SMYD3: variants seen among roughly 807,000 people sequenced by gnomAD.
SMYD3 encodes SET and MYND domain containing 3, also known as histone-lysine N-methyltransferase SMYD3.
Under a neutral mutation model 57.7 loss-of-function variants are expected in SMYD3, and 36 were observed. That is an observed-to-expected ratio of 0.62 (90% confidence interval 0.48 to 0.82). SMYD3 has a LOEUF of 0.82. Among genes scored for constraint, SMYD3 ranks in the 40% least tolerant of loss-of-function variants. SMYD3 has a pLI of 0.00. For missense variants in SMYD3, 515 were observed against 538.8 expected (o/e 0.96, Z 0.44); for synonymous variants, 211 against 195.0 (o/e 1.08, Z -0.68).
At chr1:245,932,091 G>A (rs2056757652) in intron 5 of SMYD3, among the ~76,000 whole-genome samples, 1 of 152,010 alleles carries the variant, frequency 6.6e-6, no homozygotes, top group Admixed American at 6.6e-5. Flanking sequence ...ATTTGGGAAG[G>A]GATACAAGTT....
intron 10 of SMYD3, among the ~76,000 whole-genome samples, chr1:245,800,649 A>G (rs567091126): frequency 1.3e-5 from 2 of 152,292 alleles, no homozygotes; most frequent in Admixed American, 1.3e-4. Context: ...ACATCTGTGG[A>G]TAACAAATGA....
At chr1:245,899,274 A>G (rs2054030775) in intron 8 of SMYD3, among the ~76,000 whole-genome samples, 1 of 152,198 alleles carries the variant, frequency 6.6e-6, no homozygotes, top group Non-Finnish European at 1.5e-5. Context: ...AGGCAAATTG[A>G]TAGTACAGAG....
intron 1 of SMYD3, among the ~76,000 whole-genome samples, chr1:246,493,926 G>T (rs769075314): frequency 6.6e-6 from 1 of 152,196 alleles, no homozygotes; most frequent in Non-Finnish European, 1.5e-5. Context: ...AACAACGTGG[G>T]TGAACTCCTC....
chr1:246,456,170 G>C (rs1007700562), intron 1 of SMYD3, among the ~76,000 whole-genome samples: 2 of 152,102 alleles, frequency 1.3e-5, no homozygotes, highest in Non-Finnish European at 2.9e-5. Flanking sequence ...CTGTTTCTAA[G>C]CTGATATATA....
intron 5 of SMYD3, among the ~76,000 whole-genome samples, chr1:246,282,266 G>A (rs2064459799): frequency 1.6e-5 from 2 of 127,338 alleles, no homozygotes. Context: ...CCAGGAGTTT[G>A]AGACCAGCCT....
At chr1:245,877,492 C>T (rs139399249) in intron 8 of SMYD3, among the ~76,000 whole-genome samples, 4 of 152,138 alleles carry the variant, frequency 2.6e-5, no homozygotes, top group South Asian at 2.1e-4. Flanking sequence ...GGACTGAAGG[C>T]GGAAGGTGTT....
At chr1:246,246,328 T>C (rs1349010710) in intron 5 of SMYD3, among the ~76,000 whole-genome samples, 2 of 152,308 alleles carry the variant, frequency 1.3e-5, no homozygotes, top group Middle Eastern at 3.4e-3. Context: ...AAGTGAGGAC[T>C]CTGGACATTG....
intron 5 of SMYD3, among the ~76,000 whole-genome samples, chr1:245,939,894 GC>G (rs1163734144): frequency 6.6e-6 from 1 of 152,130 alleles, no homozygotes; most frequent in East Asian, 1.9e-4. Context: ...CCTGTGGGAG[GC>G]CTTCATGTCA....
At chr1:246,005,750 A>G (rs2059157665) in intron 5 of SMYD3, among the ~76,000 whole-genome samples, 1 of 152,158 alleles carries the variant, frequency 6.6e-6, no homozygotes, top group Admixed American at 6.5e-5. Context: ...AAAACTGCAA[A>G]AGGGATAAAG....
chr1:245,863,950 C>A lies in SMYD3; in HGVS notation c.814-64G>T, dbSNP rs577118415. 5.5e-6 allele frequency: 8 copies of A among 1,451,044 alleles called. No individual in the cohort carries two copies. The East Asian group carries it at 1.8e-4, about 33-fold the overall frequency. 89.9% of individuals were successfully genotyped at this position (1,451,044 alleles called of 1,614,324 possible). A position where few individuals can be genotyped will look rare whatever the true frequency, so the allele number is the denominator to read the frequency against. ...GTAATAGGCAAAGGACGTGAATAGA[C>A]CTTTCTCCCAGATATACAAATGGCC... On this transcript the variant is annotated intron_variant, in intron 8 of 11. Transcript: ENST00000490107.
intron 5 of SMYD3, among the ~76,000 whole-genome samples, chr1:245,939,411 G>A (rs2057127269): frequency 6.6e-6 from 1 of 151,934 alleles, no homozygotes; most frequent in African/African-American, 2.4e-5. Flanking sequence ...GGATCACGAG[G>A]TCAGGAGATC....
chr1:245,988,988 C>A (rs2058759798), intron 5 of SMYD3, among the ~76,000 whole-genome samples: 1 of 152,192 alleles, frequency 6.6e-6, no homozygotes, highest in Admixed American at 6.5e-5. Context: ...ATAAATTCCC[C>A]GTATCATATT....
intron 5 of SMYD3, among the ~76,000 whole-genome samples, chr1:246,085,932 C>T: frequency 6.6e-6 from 1 of 151,698 alleles, no homozygotes; most frequent in African/African-American, 2.4e-5. Context: ...CTTGGTGAAA[C>T]AAGGGGTGTT....
chr1:245,766,813 C>T (rs928302102), intron 10 of SMYD3, among the ~76,000 whole-genome samples: 5 of 152,196 alleles, frequency 3.3e-5, no homozygotes, highest in Admixed American at 1.3e-4. Flanking sequence ...GCAGAGAAAG[C>T]GGTGTGTCAT....
intron 4 of SMYD3, among the ~76,000 whole-genome samples, chr1:246,328,499 T>G (rs1350958653): frequency 6.6e-6 from 1 of 152,170 alleles, no homozygotes; most frequent in East Asian, 1.9e-4. Context: ...ATTTGAATAC[T>G]TTGCTGTCTT....
intron 5 of SMYD3, among the ~76,000 whole-genome samples, chr1:246,103,443 GA>G (rs920247628): frequency 1.3e-3 from 173 of 138,054 alleles, no homozygotes; most frequent in East Asian, 2.0e-3. Context: ...CATGTAAAAA[GA>G]AAAAAAAAAA....
At chr1:245,988,482 A>G (rs1306882834) in intron 5 of SMYD3, 4 of 148,438 alleles carry the variant, frequency 2.7e-5, no homozygotes. Flanking sequence ...AGCAAACGGC[A>G]CCTGCCCACT....
chr1:245,751,608 AAG>A (rs1302860924), intron 11 of SMYD3, among the ~76,000 whole-genome samples: 2 of 120,770 alleles, frequency 1.7e-5, no homozygotes, highest in African/African-American at 3.0e-5. Context: ...GAGAGAGAGA[AAG>A]AGAGAGAGAA....
intron 5 of SMYD3, among the ~76,000 whole-genome samples, chr1:246,204,741 A>G (rs2062972476): frequency 6.6e-6 from 1 of 152,214 alleles, no homozygotes; most frequent in Non-Finnish European, 1.5e-5. Flanking sequence ...CAAAAGGTCC[A>G]TTTATCTGCA....
Sources: allele counts gnomAD v4.1 joint callset (sites outside exome capture counted in the v4.1 genomes callset), GRCh38; gene constraint gnomAD v4.1.1; transcripts MANE v1.5; gene names NCBI Gene and HGNC (gene_info 2026-07-23, HGNC 2026-07-21).